The following TRAM1 variants were observed in gnomAD, a reference collection of about 807,000 sequenced individuals.
TRAM1 encodes the protein translocating chain-associated membrane protein 1.
TRAM1 carries 17 observed loss-of-function variants against 48.7 expected under a neutral mutation model. The observed-to-expected ratio is 0.35, with a 90% confidence interval of 0.24 to 0.52. The LOEUF (loss-of-function observed/expected upper bound fraction) is 0.52, where lower values mean the gene tolerates loss of function less well. Ranked by LOEUF, TRAM1 falls within the 20% of genes least tolerant of loss-of-function variation. The pLI is 0.94. For missense variants in TRAM1, 351 were observed against 441.5 expected, an observed-to-expected ratio of 0.79 and a Z score of 1.84; for synonymous variants, 182 against 154.0, an observed-to-expected ratio of 1.18 and a Z score of -1.34.
chr8:70,590,535 T>A (rs1277390194), intron 6 of TRAM1, among the ~76,000 whole-genome samples: 2 of 152,202 alleles, frequency 1.3e-5, no homozygotes, highest in Non-Finnish European at 2.9e-5. Flanking sequence ...TTACTCAGGC[T>A]GGAGTGCAGT....
chr8:70,597,973 G>A lies in TRAM1; in HGVS notation c.348C>T (p.His116=). The A allele has an allele frequency of 6.3e-7, 1 of 1,599,510 alleles. No individual in the cohort carries two copies. The highest frequency in any genetic ancestry group is 8.5e-7 in the Non-Finnish European group (1 of 1,171,572). Residue 116 remains histidine, a synonymous_variant, in exon 4 of 11, where the codon CAC becomes CAT. Transcript: ENST00000262213. The part of the protein sequence containing the change: ...NRRMHFSKTK[H]SKFNESGQLS... Reference sequence around the variant, plus strand: ...GCTGACCAGATTCATTAAACTTGCTGTGTTTTGTTTTGGAGAAGTGCATTC... The same window carrying A: ...GCTGACCAGATTCATTAAACTTGCTATGTTTTGTTTTGGAGAAGTGCATTC...
In TRAM1 at chr8:70,590,595, C is replaced by T. The variant is rs529865313; in HGVS notation, c.571-3419G>A. ...TGCACTGTAGCCTCCAACTCCAGGG[C>T]TCAAGTGATCCTGCTATCTCAGCCT... On this transcript the variant is annotated intron_variant, in intron 6 of 10. Transcript: ENST00000262213. 2.0e-5 allele frequency among the ~76,000 whole-genome samples: 3 copies of T among 152,320 alleles called. No homozygotes were observed. The South Asian group carries it at 6.2e-4, about 32-fold the overall frequency.
At chr8:70,593,595 T>TA (rs1817415794) in intron 6 of TRAM1, among the ~76,000 whole-genome samples, 2 of 113,850 alleles carry the variant, frequency 1.8e-5, no homozygotes, top group African/African-American at 6.2e-5. Context: ...TATATGAGAA[T>TA]TAAAAAAAAA....
chr8:70,607,907 G>A, intron 1 of TRAM1, 170 bp downstream of exon 1: 1 of 761,676 alleles, frequency 1.3e-6, no homozygotes, highest in Non-Finnish European at 1.8e-6. Flanking sequence ...GGGAGCTGCC[G>A]CCGACGTGGG....
Position 70,585,986 on chromosome 8 carries a change from C to T in TRAM1, c.746+909G>A, listed in dbSNP as rs367739631. Reference sequence around the variant, plus strand: ...GACACATGCACACGTATGTTTATTGCGGCACTATTCACAATAGCAAAGACT... The same window carrying T: ...GACACATGCACACGTATGTTTATTGTGGCACTATTCACAATAGCAAAGACT... On this transcript the variant is annotated intron_variant, in intron 8 of 10. Coordinates refer to ENST00000262213, the MANE Select transcript of TRAM1 (RefSeq NM_014294.6). 7.3e-5 allele frequency among the ~76,000 whole-genome samples: 11 copies of T among 150,412 alleles called. No individual in the cohort carries two copies. In the East Asian group the frequency reaches 7.8e-4, roughly 11 times the overall value.
In TRAM1 at chr8:70,587,149, T is replaced by C. The variant is rs772192805; in HGVS notation, c.598A>G (p.Ile200Val). The change falls in exon 7 of 11, where the codon ATT becomes GTT. Residue 200 changes from isoleucine (I) to valine (V), a missense_variant. Coordinates refer to ENST00000262213, the MANE Select transcript of TRAM1 (RefSeq NM_014294.6). ...GCAATGTGGAAGAGGTAAAGACCAATGTAGACAAGCTGACGAGGAATATCT... is the reference window on the plus strand; with the variant it reads ...GCAATGTGGAAGAGGTAAAGACCAACGTAGACAAGCTGACGAGGAATATCT... ...KEDIPRQLVY[I>V]GLYLFHIAGA... 1 of 1,613,944 alleles carries C rather than the reference T, an allele frequency of 6.2e-7. No individual in the cohort carries two copies. Among genetic ancestry groups the C allele is most frequent in the Non-Finnish European group, 8.5e-7 (1 of 1,179,916 alleles).
chr8:70,581,049 C>T (rs979286111), intron 10 of TRAM1, among the ~76,000 whole-genome samples: 1 of 152,176 alleles, frequency 6.6e-6, no homozygotes, highest in Admixed American at 6.5e-5. Context: ...CATACCAAAA[C>T]CCCAGCTGGC....
chr8:70,575,031 ACT>A, intron 10 of TRAM1, 26 bp from the exon 11 acceptor site: 2 of 1,510,872 alleles, frequency 1.3e-6, no homozygotes, highest in Non-Finnish European at 1.8e-6. Flanking sequence ...AATCCATGTT[ACT>A]CTCTTTTATA....
At chr8:70,583,353 G>C in intron 9 of TRAM1, 29 bp from the exon 10 acceptor site, 1 of 1,601,436 alleles carries the variant, frequency 6.2e-7, no homozygotes. Flanking sequence ...TAAAAAGTTA[G>C]TGTATAAAAA....
At chr8:70,580,829 T>C (rs1044762167) in intron 10 of TRAM1, among the ~76,000 whole-genome samples, 1 of 152,090 alleles carries the variant, frequency 6.6e-6, no homozygotes, top group Non-Finnish European at 1.5e-5. Flanking sequence ...GTGAATTGTA[T>C]TTCATATACA....
rs78576848 is a variant in TRAM1 at position 70,573,247 on chromosome 8, T to C, written c.*1685A>G. 4.4e-3 allele frequency among the ~76,000 whole-genome samples: 668 copies of C among 152,308 alleles called. 7 individuals are homozygous for C. The highest frequency in any genetic ancestry group is 0.015 in the African/African-American group (644 of 41,566). On this transcript the variant is annotated 3_prime_UTR_variant, in exon 11 of 11. Coordinates refer to ENST00000262213, the MANE Select transcript of TRAM1 (RefSeq NM_014294.6). ...TTTAATCCAGTGATTCCCAGATTTA[T>C]TTGGTTATGACCATCTATCCCCCCA...
intron 1 of TRAM1, chr8:70,607,852 C>T: frequency 2.5e-6 from 1 of 406,684 alleles, no homozygotes; most frequent in Non-Finnish European, 4.1e-6. Context: ...CCCTGCGGGC[C>T]GCGATGAGGC....
chr8:70,587,029 TATTA>T (rs748430636), intron 7 of TRAM1, 30 bp from the exon 8 acceptor site: 1 of 1,611,874 alleles, frequency 6.2e-7, no homozygotes, highest in Non-Finnish European at 8.5e-7. Flanking sequence ...AAAATGGGAA[TATTA>T]ATTATCAATT....
chr8:70,587,342 T>C (rs548729060), intron 6 of TRAM1, among the ~76,000 whole-genome samples, 166 bp from the exon 7 acceptor site: 1 of 152,350 alleles, frequency 6.6e-6, no homozygotes, highest in South Asian at 2.1e-4. Context: ...CGTGACCCAC[T>C]GTGCTTGGCT....
chr8:70,603,296 T>G (rs1817644788), intron 1 of TRAM1, among the ~76,000 whole-genome samples: 1 of 87,394 alleles, frequency 1.1e-5, no homozygotes, highest in Non-Finnish European at 2.2e-5. Context: ...ACTATATATA[T>G]GTTTTATACA....
chr8:70,594,025 T>C (rs1467080841), intron 6 of TRAM1, among the ~76,000 whole-genome samples: 1 of 152,206 alleles, frequency 6.6e-6, no homozygotes, highest in Admixed American at 6.5e-5. Context: ...GCTCTACCCA[T>C]TTCAAGAGAG....
chr8:70,598,252 T>A lies in TRAM1; in HGVS notation c.191A>T (p.Glu64Val). ...QYNVTLPATE[E>V]QATESVSLYY... is the part of the protein sequence containing the mutation. ...AAGGGACACTGATTCAGTAGCTTGT[T>A]CTTCTGAAGACCAAAAAGGACACAA... The change falls in exon 3 of 11, where the codon GAA (glutamate) becomes GTA (valine). Residue 64 changes from glutamate (E) to valine (V), a missense_variant. Glu to Val is a moderately radical substitution (Grantham distance 121). Transcript: ENST00000262213. 6.2e-7 allele frequency: 1 copy of A among 1,606,542 alleles called. No individual in the cohort carries two copies. The highest frequency in any genetic ancestry group is 8.5e-7 in the Non-Finnish European group (1 of 1,176,674).
intron 6 of TRAM1, among the ~76,000 whole-genome samples, chr8:70,588,923 T>G (rs553534911): frequency 2.6e-5 from 4 of 152,352 alleles, no homozygotes; most frequent in African/African-American, 9.6e-5. Flanking sequence ...GGGTTGCTGC[T>G]GGCAGGCTGA....
In TRAM1 at chr8:70,607,489, G is replaced by A. The variant is rs921619073; in HGVS notation, c.123+588C>T. On this transcript the variant is annotated intron_variant, in intron 1 of 10. Coordinates refer to ENST00000262213, the MANE Select transcript of TRAM1 (RefSeq NM_014294.6). Reference sequence around the variant, plus strand: ...GTGCCCGGCGGCCACCGCCCTTCAAGTCGAAAGCAGATGCCTGACTCCGGT... The same window carrying A: ...GTGCCCGGCGGCCACCGCCCTTCAAATCGAAAGCAGATGCCTGACTCCGGT... 1.7e-4 allele frequency: 166 copies of A among 985,512 alleles called. No homozygotes were observed. The Middle Eastern group carries it at 4.7e-3, about 28-fold the overall frequency. The allele number at this position is 985,512 out of a possible 1,614,324, so 61.0% of individuals were successfully genotyped here.
Sources: allele counts gnomAD v4.1 joint callset (sites outside exome capture counted in the v4.1 genomes callset), GRCh38; gene constraint gnomAD v4.1.1; transcripts MANE v1.5; gene names NCBI Gene and HGNC (gene_info 2026-07-23, HGNC 2026-07-21).